Variants in CCDC7 observed in about 807,000 individuals in gnomAD.
The protein encoded by CCDC7 is coiled-coil domain containing 7.
Under a neutral mutation model 196.9 loss-of-function variants are expected in CCDC7, and 183 were observed. That is an observed-to-expected ratio of 0.93 (90% CI 0.82 to 1.05). The LOEUF (loss-of-function observed/expected upper bound fraction) is 1.05, where lower values mean the gene tolerates loss of function less well. Ranked by LOEUF, CCDC7 falls within the 50% of genes least tolerant of loss-of-function variation. The pLI is 0.00. For synonymous variants in CCDC7, 525 were observed against 484.6 expected, an observed-to-expected ratio of 1.08 and a Z score of -1.10; for missense variants, 1,540 against 1,482.2, an observed-to-expected ratio of 1.04 and a Z score of -0.64.
chr10:32,603,640 T>C (rs2061301624), intron 18 of CCDC7, among the ~76,000 whole-genome samples: 2 of 151,822 alleles, frequency 1.3e-5, no homozygotes, highest in African/African-American at 4.8e-5. Flanking sequence ...TTTTTGATAA[T>C]AAGCATTCGA....
At chr10:32,492,792 G>A (rs111277141) in intron 9 of CCDC7, among the ~76,000 whole-genome samples, 24 of 152,012 alleles carry the variant, frequency 1.6e-4, no homozygotes, top group African/African-American at 5.8e-4. Context: ...ACGTAACACT[G>A]CTGAACTATA....
At chr10:32,857,448 A>C (rs1438306780) in intron 41 of CCDC7, among the ~76,000 whole-genome samples, 1 of 152,222 alleles carries the variant, frequency 6.6e-6, no homozygotes, top group African/African-American at 2.4e-5. Context: ...AAACAATGGT[A>C]TGAAATTAGA....
chr10:32,773,599 T>G (rs2079509385), intron 28 of CCDC7, among the ~76,000 whole-genome samples: 1 of 152,222 alleles, frequency 6.6e-6, no homozygotes, highest in Admixed American at 6.5e-5. Context: ...GTTTTCTATC[T>G]GTATTTTTTT....
At chr10:32,856,709 G>A (rs1049986012) in intron 41 of CCDC7, among the ~76,000 whole-genome samples, 16 of 152,100 alleles carry the variant, frequency 1.1e-4, no homozygotes, top group African/African-American at 3.9e-4. Context: ...GTGTCCTATT[G>A]GTTCTGTAGC....
rs749124265 is a variant in CCDC7, at chr10:32,456,338, T to C, written c.456+4T>C. On this transcript the variant is annotated splice_donor_region_variant and intron_variant, in intron 3 of 41. Coordinates refer to ENST00000639629, the Ensembl canonical transcript of CCDC7. ...AGCACTTAAAGAAGAACAAAATGTA[T>C]GTATTCTGTATATACTGTCAAGTAT... is the stretch of plus-strand genomic sequence containing the variant. 1.3e-6 allele frequency: 2 copies of C among 1,556,246 alleles called. No homozygotes were observed. Among genetic ancestry groups the C allele is most frequent in the Middle Eastern group, 1.7e-4 (1 of 5,830 alleles).
At chr10:32,454,443 G>A (rs373982317) in intron 2 of CCDC7, among the ~76,000 whole-genome samples, 13 of 152,108 alleles carry the variant, frequency 8.5e-5, no homozygotes, top group African/African-American at 3.1e-4. Flanking sequence ...GCGGGGTAAG[G>A]GTTGAAAAAC....
chr10:32,561,138 C>T (rs1395710880), intron 13 of CCDC7, among the ~76,000 whole-genome samples: 10 of 152,130 alleles, frequency 6.6e-5, no homozygotes, highest in Admixed American at 6.5e-4. Flanking sequence ...TATATGCATC[C>T]AATACAGGAA....
chr10:32,599,591 A>G (rs1817686940), intron 18 of CCDC7, among the ~76,000 whole-genome samples: 1 of 151,096 alleles, frequency 6.6e-6, no homozygotes, highest in Non-Finnish European at 1.5e-5. Context: ...ATGTTTTTAG[A>G]TTTTTTGTGG....
At chr10:32,629,716 C>T (rs1157661479) in intron 18 of CCDC7, among the ~76,000 whole-genome samples, 3 of 152,074 alleles carry the variant, frequency 2.0e-5, no homozygotes, top group Admixed American at 2.0e-4. Context: ...GAGAGGTCCC[C>T]TAGCCTCTCT....
intron 11 of CCDC7, among the ~76,000 whole-genome samples, chr10:32,541,048 A>AG (rs1244970198): frequency 2.9e-5 from 3 of 103,276 alleles, no homozygotes; most frequent in African/African-American, 9.9e-5. Context: ...CAAATTTCTG[A>AG]GTTTTTTTTT....
At chr10:32,726,784 C>G (rs76192964) in exon 26 of CCDC7, 148 of 1,603,400 alleles carry the variant, frequency 9.2e-5, no homozygotes, top group Non-Finnish European at 1.2e-4. Flanking sequence ...GTCAAAACTC[C>G]AAATGCAAGA....
intron 41 of CCDC7, among the ~76,000 whole-genome samples, chr10:32,857,391 CT>C: frequency 1.3e-5 from 2 of 152,170 alleles, no homozygotes; most frequent in South Asian, 2.1e-4. Flanking sequence ...TAAAACAAGT[CT>C]TAACAAATTC....
intron 15 of CCDC7, among the ~76,000 whole-genome samples, chr10:32,570,341 C>T (rs1219695699): frequency 6.6e-6 from 1 of 152,152 alleles, no homozygotes; most frequent in Non-Finnish European, 1.5e-5. Context: ...TAGTCAGGCT[C>T]ACACCAGGAC....
rs560150457 is a variant in CCDC7, at chr10:32,654,421, A to T, written c.2015-9633A>T. On this transcript the variant is annotated intron_variant, in intron 20 of 41. Transcript: ENST00000639629. ...TTTTGTTTAAATTCTAAATAATATGATGTGAAATTCTGAAAATTAGATTAC... is the reference window on the plus strand; with the variant it reads ...TTTTGTTTAAATTCTAAATAATATGTTGTGAAATTCTGAAAATTAGATTAC... Among the ~76,000 whole-genome samples the T allele has an allele frequency of 1.4e-3, 217 of 152,242 alleles. 1 individual carries two copies. The highest frequency in any genetic ancestry group is 5.0e-3 in the African/African-American group (206 of 41,558).
In CCDC7 at chr10:32,811,155, A is replaced by G. The variant is rs1216593178; in HGVS notation, c.3098-3215A>G. Among the ~76,000 whole-genome samples the G allele has an allele frequency of 3.3e-5, 5 of 152,184 alleles. No individual in the cohort carries two copies. The East Asian group carries it at 7.7e-4, about 23-fold the overall frequency. The stretch of plus-strand genomic sequence containing the variant: ...CAACAAAAATTAATAGAAGAAAAGC[A>G]AAAAGGATCAGAGCAGAACTAAGTG... On this transcript the variant is annotated intron_variant, in intron 30 of 41. Coordinates refer to ENST00000639629, the Ensembl canonical transcript of CCDC7.
At chr10:32,460,172 G>A (rs1372576916) in intron 3 of CCDC7, among the ~76,000 whole-genome samples, 1 of 152,076 alleles carries the variant, frequency 6.6e-6, no homozygotes, top group African/African-American at 2.4e-5. Context: ...CATAAAGAGA[G>A]GGGCAAGAGA....
intron 8 of CCDC7, among the ~76,000 whole-genome samples, chr10:32,485,919 A>G (rs1455632223): frequency 2.0e-5 from 3 of 152,166 alleles, no homozygotes; most frequent in Non-Finnish European, 2.9e-5. Flanking sequence ...ACTTCCAACT[A>G]TGTGGTCAAT....
intron 18 of CCDC7, among the ~76,000 whole-genome samples, chr10:32,599,667 A>G (rs1384383900): frequency 6.6e-6 from 1 of 151,994 alleles, no homozygotes; most frequent in Non-Finnish European, 1.5e-5. Context: ...TTTAATTTTT[A>G]TTTCAATAAT....
intron 13 of CCDC7, among the ~76,000 whole-genome samples, chr10:32,556,292 C>T (rs56258431): frequency 1.3e-5 from 2 of 152,186 alleles, no homozygotes; most frequent in South Asian, 4.2e-4. Flanking sequence ...AAAGAGACGC[C>T]ATATAATTCA....
Sources: gnomAD v4.1 joint callset for allele counts (sites outside exome capture counted in the v4.1 genomes callset) on GRCh38, gnomAD v4.1.1 for gene constraint, MANE v1.5 for transcripts, NCBI Gene and HGNC (gene_info 2026-07-23, HGNC 2026-07-21) for gene names.